The following ZMYM4 variants were observed in gnomAD, a reference collection of about 807,000 sequenced individuals.
ZMYM4 encodes zinc finger MYM-type protein 4.
In ZMYM4, 31 loss-of-function variants were observed where a neutral mutation model predicts 183.2. That is an observed-to-expected ratio of 0.17 (90% CI 0.13 to 0.23). ZMYM4 has a LOEUF of 0.23. Among genes scored for constraint, ZMYM4 ranks in the 10% least tolerant of loss-of-function variants. ZMYM4 has a pLI of 1.00. For missense variants in ZMYM4, 1,273 were observed against 1,840.3 expected, an observed-to-expected ratio of 0.69 and a Z score of 5.64; for synonymous variants, 592 against 631.2, an observed-to-expected ratio of 0.94 and a Z score of 0.93.
Position 35,393,756 on chromosome 1 carries a change from T to G in ZMYM4, c.2911+17T>G, listed in dbSNP as rs756118171. ...GCCAGACAGGTATGTTCCTTGGTCTTTCTTTCTTTATTAATTTTTTAAGGG... is the reference window on the plus strand; with the variant it reads ...GCCAGACAGGTATGTTCCTTGGTCTGTCTTTCTTTATTAATTTTTTAAGGG... On this transcript the variant is annotated intron_variant, in intron 18 of 29. Transcript: ENST00000314607. 5.1e-6 allele frequency: 8 copies of G among 1,563,498 alleles called. No individual in the cohort carries two copies. Among genetic ancestry groups the G allele is most frequent in the East Asian group, 2.3e-5 (1 of 43,590 alleles).
chr1:35,283,046 C>T (rs1326768570), intron 1 of ZMYM4, among the ~76,000 whole-genome samples: 25 of 117,470 alleles, frequency 2.1e-4, no homozygotes, highest in Admixed American at 8.1e-4. Flanking sequence ...TTGCCCAGGC[C>T]GGAGTGCAGT....
intron 26 of ZMYM4, among the ~76,000 whole-genome samples, chr1:35,410,668 T>C (rs1639851936): frequency 6.6e-6 from 1 of 150,850 alleles, no homozygotes; most frequent in Non-Finnish European, 1.5e-5. Flanking sequence ...TTTTTTTTTT[T>C]TTCCAGTAGA....
intron 2 of ZMYM4, among the ~76,000 whole-genome samples, chr1:35,328,454 A>ATTTT (rs754078160): frequency 1.1e-3 from 126 of 117,016 alleles, no homozygotes; most frequent in African/African-American, 2.9e-3. Flanking sequence ...TAATTTTTTA[A>ATTTT]TTTTTTTTTT....
rs1640320154 is a variant in ZMYM4 at position 35,421,367 on chromosome 1, A to G, written c.*1690A>G. ...CTGTGTTTGTCATTTCTGACTGGAA[A>G]ACTTCTTACTCCATACCTTGTTCGA... is the stretch of plus-strand genomic sequence containing the variant. On this transcript the variant is annotated 3_prime_UTR_variant, in exon 30 of 30. Transcript: ENST00000314607. The G allele has an allele frequency of 6.6e-6, 1 of 152,576 alleles. No homozygotes were observed. The highest frequency in any genetic ancestry group is 2.4e-5 in the African/African-American group (1 of 41,436). 9.5% of individuals were successfully genotyped at this position (152,576 alleles called of 1,614,324 possible).
intron 2 of ZMYM4, among the ~76,000 whole-genome samples, chr1:35,328,016 C>G (rs1377361336): frequency 6.6e-6 from 1 of 152,108 alleles, no homozygotes; most frequent in African/African-American, 2.4e-5. Context: ...GGATGATATG[C>G]CTTTGCTCAA....
intron 2 of ZMYM4, among the ~76,000 whole-genome samples, chr1:35,339,466 C>T (rs1281112214): frequency 2.0e-5 from 3 of 152,108 alleles, no homozygotes; most frequent in South Asian, 2.1e-4. Context: ...AACTCCTGAC[C>T]TCAGGTGATC....
chr1:35,370,267 T>C, intron 6 of ZMYM4, 105 bp from the exon 7 acceptor site: 1 of 1,446,948 alleles, frequency 6.9e-7, no homozygotes, highest in Non-Finnish European at 9.1e-7. Context: ...GTTTCAAGAC[T>C]AGTTCTAGAA....
chr1:35,413,691 G>A (rs1365770655), intron 26 of ZMYM4, among the ~76,000 whole-genome samples: 2 of 152,144 alleles, frequency 1.3e-5, no homozygotes, highest in Non-Finnish European at 2.9e-5. Flanking sequence ...TAAGTAAAGG[G>A]TTCTTCATAA....
intron 5 of ZMYM4, among the ~76,000 whole-genome samples, chr1:35,363,117 A>G (rs1225784637): frequency 6.6e-6 from 1 of 152,172 alleles, no homozygotes; most frequent in Non-Finnish European, 1.5e-5. Flanking sequence ...GTTGCAGTGA[A>G]CTGAGATTGT....
At chr1:35,336,364 A>T (rs531676031) in intron 2 of ZMYM4, among the ~76,000 whole-genome samples, 10 of 151,556 alleles carry the variant, frequency 6.6e-5, no homozygotes, top group Admixed American at 3.3e-4. Flanking sequence ...ATTCTGACAC[A>T]TGTTGTAACA....
rs753300464 is a variant in ZMYM4, at chr1:35,288,518, G to A, written c.39+19433G>A. On this transcript the variant is annotated intron_variant, in intron 1 of 29. Transcript: ENST00000314607. ...GCTAGCTTTGGTAGAGGCCCTGCTC[G>A]TGACCCCACCCTCTGTGGTGACAGA... is the stretch of plus-strand genomic sequence containing the variant. 5.3e-5 allele frequency among the ~76,000 whole-genome samples: 8 copies of A among 152,168 alleles called. No homozygotes were observed. In the South Asian group the frequency reaches 8.3e-4, roughly 16 times the overall value.
chr1:35,310,106 A>AT (rs979622120), intron 1 of ZMYM4, among the ~76,000 whole-genome samples: 16 of 149,764 alleles, frequency 1.1e-4, no homozygotes, highest in African/African-American at 2.9e-4. Flanking sequence ...ATGTTTGTAT[A>AT]TTTTTTTTTA....
intron 1 of ZMYM4, among the ~76,000 whole-genome samples, chr1:35,305,944 A>T (rs1382470907): frequency 6.6e-6 from 1 of 151,522 alleles, no homozygotes; most frequent in Non-Finnish European, 1.5e-5. Context: ...GACATGTGTT[A>T]CCCTCCCCAC....
chr1:35,325,492 T>A (rs1642466973), intron 2 of ZMYM4, 87 bp downstream of exon 2: 8 of 1,311,674 alleles, frequency 6.1e-6, no homozygotes, highest in Middle Eastern at 2.2e-4. Context: ...TTACAGTGTT[T>A]AGTTAGGGCT....
intron 1 of ZMYM4, among the ~76,000 whole-genome samples, chr1:35,284,573 C>G (rs894446902): frequency 6.6e-6 from 1 of 152,146 alleles, no homozygotes; most frequent in African/African-American, 2.4e-5. Context: ...TCCTGGAAAC[C>G]TTGTTGAAAG....
chr1:35,387,701 ATTGT>A (rs1644607847), intron 13 of ZMYM4, 97 bp downstream of exon 13: 8 of 1,319,322 alleles, frequency 6.1e-6, no homozygotes, highest in African/African-American at 3.0e-5. Context: ...AATCTGTTTT[ATTGT>A]TTATGTATAA....
rs1452622871 is a variant in ZMYM4 at position 35,268,946 on chromosome 1, C to T, written c.-101C>T. The T allele has an allele frequency of 3.1e-6, 4 of 1,294,684 alleles. No homozygotes were observed. The African/African-American group carries it at 4.7e-5, about 15-fold the overall frequency. The allele number at this position is 1,294,684 out of a possible 1,614,324, so 80.2% of individuals were successfully genotyped here. A position where few individuals can be genotyped will look rare whatever the true frequency, so the allele number is the denominator to read the frequency against. On this transcript the variant is annotated 5_prime_UTR_variant, in exon 1 of 30. Transcript: ENST00000314607. Reference sequence around the variant, plus strand: ...GGCCCGGCCGGGTCCGGGGAAGCTGCCGCGAGGCGGCCGTGCCTGCAGTGT... The same window carrying T: ...GGCCCGGCCGGGTCCGGGGAAGCTGTCGCGAGGCGGCCGTGCCTGCAGTGT...
intron 7 of ZMYM4, among the ~76,000 whole-genome samples, chr1:35,371,062 A>AGTGTGTGTGTGTGT (rs67591506): frequency 5.6e-5 from 7 of 126,086 alleles, no homozygotes; most frequent in Admixed American, 5.5e-4. Flanking sequence ...AATGGCTTCC[A>AGTGTGTGTGTGTGT]GTGTGTGTGT....
intron 5 of ZMYM4, among the ~76,000 whole-genome samples, chr1:35,362,523 A>G (rs751570370): frequency 6.6e-6 from 1 of 152,244 alleles, no homozygotes; most frequent in African/African-American, 2.4e-5. Flanking sequence ...CGAATATGCA[A>G]TAGCAGCAAT....
Sources: allele counts gnomAD v4.1 joint callset (sites outside exome capture counted in the v4.1 genomes callset), GRCh38; gene constraint gnomAD v4.1.1; transcripts MANE v1.5; gene names NCBI Gene and HGNC (gene_info 2026-07-23, HGNC 2026-07-21).